The following FGF12 variants were observed in gnomAD, a reference collection of about 807,000 sequenced individuals.
FGF12 encodes the protein fibroblast growth factor 12B.
A neutral mutation model predicts 23.6 loss-of-function variants in FGF12; 14 were observed. That is an observed-to-expected ratio of 0.59 (90% CI 0.39 to 0.93). The LOEUF is 0.93. FGF12 is among the 40% of genes least tolerant of loss of function. The pLI, the probability that FGF12 is intolerant of heterozygous loss-of-function variation, is 0.00. For synonymous variants in FGF12, 62 were observed against 77.3 expected, an observed-to-expected ratio of 0.80 and a Z score of 1.04; for missense variants, 175 against 217.8, an observed-to-expected ratio of 0.80 and a Z score of 1.24.
intron 2 of FGF12, among the ~76,000 whole-genome samples, chr3:192,461,567 A>C (rs973062174): frequency 6.6e-6 from 1 of 152,112 alleles, no homozygotes; most frequent in Non-Finnish European, 1.5e-5. Context: ...CTTAATTTAA[A>C]GAAATTTTAT....
At position 192,393,972 on chromosome 3, in the gene FGF12, C is replaced by T. The variant is rs558144010; in HGVS notation, c.14-33434G>A. Among the ~76,000 whole-genome samples the T allele has an allele frequency of 3.9e-5, 6 of 152,220 alleles. No homozygotes were observed. The East Asian group carries it at 9.6e-4, about 24-fold the overall frequency. ...ACTTGATAATTAAGGCATGACTTGC[C>T]TCTCCACATCCATTCCAATCAGTTC... On this transcript the variant is annotated intron_variant, in intron 2 of 5. Coordinates refer to ENST00000445105, the MANE Select transcript of FGF12 (RefSeq NM_004113.6).
At chr3:192,365,579 A>G (rs1318779942) in intron 2 of FGF12, among the ~76,000 whole-genome samples, 1 of 152,098 alleles carries the variant, frequency 6.6e-6, no homozygotes, top group Non-Finnish European at 1.5e-5. Context: ...ATTAAAAAAA[A>G]TTCTAAGATA....
intron 3 of FGF12, 138 bp from the exon 4 acceptor site, chr3:192,335,602 A>G (rs1717363518): frequency 3.2e-6 from 2 of 627,742 alleles, no homozygotes; most frequent in African/African-American, 1.9e-5. Flanking sequence ...AGAGAGGTCT[A>G]AAAACGAGAG....
chr3:192,473,078 T>C (rs928259238), intron 2 of FGF12, among the ~76,000 whole-genome samples: 9 of 152,220 alleles, frequency 5.9e-5, no homozygotes, highest in African/African-American at 2.2e-4. Context: ...CTCACTGTGA[T>C]TTCTTTCAGT....
intron 2 of FGF12, among the ~76,000 whole-genome samples, chr3:192,652,254 C>G (rs1716240511): frequency 6.6e-6 from 1 of 152,164 alleles, no homozygotes; most frequent in South Asian, 2.1e-4. Flanking sequence ...GAATCAGAGA[C>G]AGCCTCTGGC....
rs143001255 is a variant in FGF12 at position 192,169,576 on chromosome 3, T to C, written c.427+882A>G. Among the ~76,000 whole-genome samples the C allele has an allele frequency of 1.2e-4, 18 of 152,238 alleles. No individual in the cohort carries two copies. The East Asian group carries it at 1.9e-3, about 16-fold the overall frequency. On this transcript the variant is annotated intron_variant, in intron 5 of 5. Transcript: ENST00000445105. ...GATTGACTGACCATGCCATATGAGA[T>C]ATTCAGGGGACAGCAAGCTTGACTA...
intron 2 of FGF12, among the ~76,000 whole-genome samples, chr3:192,448,640 G>C (rs1722431479): frequency 6.6e-6 from 1 of 152,114 alleles, no homozygotes; most frequent in African/African-American, 2.4e-5. Flanking sequence ...GAAAAACCTG[G>C]AACTGATTCC....
intron 2 of FGF12, among the ~76,000 whole-genome samples, chr3:192,618,072 A>G (rs548727549): frequency 1.3e-5 from 2 of 152,108 alleles, no homozygotes; most frequent in Non-Finnish European, 2.9e-5. Context: ...GAAGATAATA[A>G]ATCGCTTGGA....
chr3:192,287,816 G>T (rs1251217148), intron 4 of FGF12, among the ~76,000 whole-genome samples: 1 of 151,988 alleles, frequency 6.6e-6, no homozygotes, highest in Non-Finnish European at 1.5e-5. Flanking sequence ...CTGGTGGAAA[G>T]GGATACATTA....
At chr3:192,679,678 T>C (rs1448536010) in intron 2 of FGF12, among the ~76,000 whole-genome samples, 2 of 151,860 alleles carry the variant, frequency 1.3e-5, no homozygotes, top group African/African-American at 4.8e-5. Context: ...CATCTTCTCA[T>C]ACAGGGAGGC....
At chr3:192,489,384 T>C (rs761835163) in intron 2 of FGF12, among the ~76,000 whole-genome samples, 1 of 152,040 alleles carries the variant, frequency 6.6e-6, no homozygotes, top group Non-Finnish European at 1.5e-5. Flanking sequence ...TTCACTCCAA[T>C]GCCGTCATTG....
At chr3:192,177,458 C>A (rs956443885) in intron 4 of FGF12, among the ~76,000 whole-genome samples, 2 of 152,226 alleles carry the variant, frequency 1.3e-5, no homozygotes, top group Non-Finnish European at 2.9e-5. Context: ...CTTTTGCTCC[C>A]ATGAGCTTTA....
intron 2 of FGF12, among the ~76,000 whole-genome samples, chr3:192,617,925 C>T (rs1331506170): frequency 1.3e-5 from 2 of 152,038 alleles, no homozygotes; most frequent in Non-Finnish European, 1.5e-5. Flanking sequence ...AGTACTCCAG[C>T]TATCCTAGGT....
intron 4 of FGF12, among the ~76,000 whole-genome samples, chr3:192,220,759 C>T (rs188944012): frequency 3.4e-4 from 51 of 152,128 alleles, no homozygotes; most frequent in Non-Finnish European, 3.5e-4. Context: ...TGAAAAGAAG[C>T]CTTAGAAATT....
intron 2 of FGF12, among the ~76,000 whole-genome samples, chr3:192,593,372 C>G (rs1006412709): frequency 6.6e-6 from 1 of 151,752 alleles, no homozygotes; most frequent in Non-Finnish European, 1.5e-5. Context: ...CCTCTGTGAC[C>G]CTCTTCTCCT....
At chr3:192,623,308 T>C (rs1715043352) in intron 2 of FGF12, among the ~76,000 whole-genome samples, 1 of 152,164 alleles carries the variant, frequency 6.6e-6, no homozygotes, top group African/African-American at 2.4e-5. Context: ...GCAAGCCAAA[T>C]ATGCTTTTTG....
chr3:192,353,495 G>A (rs904482248), intron 3 of FGF12, among the ~76,000 whole-genome samples: 4 of 147,764 alleles, frequency 2.7e-5, no homozygotes, highest in East Asian at 2.1e-4. Flanking sequence ...TCAGCCTCCC[G>A]AGTAGCCAGG....
At chr3:192,264,569 C>T (rs972717100) in intron 4 of FGF12, among the ~76,000 whole-genome samples, 2 of 152,014 alleles carry the variant, frequency 1.3e-5, no homozygotes, top group Non-Finnish European at 2.9e-5. Context: ...ATTTAGTCCT[C>T]TATTCAACCT....
At chr3:192,198,087 C>A (rs1717171508) in intron 4 of FGF12, among the ~76,000 whole-genome samples, 1 of 150,274 alleles carries the variant, frequency 6.7e-6, no homozygotes, top group Admixed American at 6.7e-5. Flanking sequence ...TAGTTTTGTA[C>A]AAATTTTGAA....
Sources: gnomAD v4.1 joint callset for allele counts (sites outside exome capture counted in the v4.1 genomes callset) on GRCh38, gnomAD v4.1.1 for gene constraint, MANE v1.5 for transcripts, NCBI Gene and HGNC (gene_info 2026-07-23, HGNC 2026-07-21) for gene names.